The following MAPK9 variants were observed in gnomAD, a reference collection of about 807,000 sequenced individuals.
The protein encoded by MAPK9 is Jun kinase.
A neutral mutation model predicts 57.1 loss-of-function variants in MAPK9; 30 were observed. The ratio of observed to expected loss-of-function variants is 0.53; its 90% CI spans 0.39 to 0.71. MAPK9 has a LOEUF of 0.71. MAPK9 is among the 30% of genes least tolerant of loss of function. MAPK9 has a pLI of 0.00. For synonymous variants in MAPK9, 155 were observed against 177.0 expected (o/e 0.88, Z 0.99); for missense variants, 362 against 521.0 (o/e 0.69, Z 2.97).
At chr5:180,266,691 G>A (rs1186549035) in intron 3 of MAPK9, among the ~76,000 whole-genome samples, 2 of 151,786 alleles carry the variant, frequency 1.3e-5, no homozygotes, top group East Asian at 1.9e-4. Flanking sequence ...GGCTTCAAGC[G>A]ACCCTCCTGC....
chr5:180,236,387 T>C lies in MAPK9; in HGVS notation c.1272A>G (p.Arg424=), dbSNP rs1193416028. ...DASTGPLEGC[R] is the part of the protein sequence containing the mutation. ...CAGGTTTGCTATTTCTAACCTATCATCGACAGCCTTCAAGGGGTCCCGTCG... is the reference window on the plus strand; with the variant it reads ...CAGGTTTGCTATTTCTAACCTATCACCGACAGCCTTCAAGGGGTCCCGTCG... Residue 424 remains arginine, a synonymous_variant, in exon 12 of 12, where the codon CGA becomes CGG. Coordinates refer to ENST00000452135, the MANE Select transcript of MAPK9 (RefSeq NM_002752.5). 1 of 1,609,332 alleles carries C rather than the reference T, an allele frequency of 6.2e-7. No homozygotes were observed. The highest frequency in any genetic ancestry group is 8.5e-7 in the Non-Finnish European group (1 of 1,176,286).
chr5:180,267,365 T>C (rs929939181), intron 3 of MAPK9, among the ~76,000 whole-genome samples: 1 of 151,714 alleles, frequency 6.6e-6, no homozygotes, highest in African/African-American at 2.4e-5. Context: ...ATCGAGACCA[T>C]CCTGGCTAAC....
chr5:180,264,525 T>C (rs912335668), intron 4 of MAPK9, among the ~76,000 whole-genome samples: 6 of 152,224 alleles, frequency 3.9e-5, no homozygotes, highest in African/African-American at 1.4e-4. Context: ...GCAAAACACA[T>C]TAGTGATCCT....
intron 5 of MAPK9, among the ~76,000 whole-genome samples, chr5:180,256,278 T>C (rs34468883): frequency 0.011 from 1,672 of 152,288 alleles, 28 homozygotes; most frequent in African/African-American, 0.037. Context: ...ACCATTTTAA[T>C]AGGCAAAATT....
rs142614566 is a variant in MAPK9 at position 180,290,460 on chromosome 5, T to C, written c.-48+1388A>G. On this transcript the variant is annotated intron_variant, in intron 1 of 11. Transcript: ENST00000452135. Reference sequence around the variant, plus strand: ...GTGTCTGCATGCCTGCCTTCTCTACTGGGCTCCTGGGCTCTCTCGGGAAAG... The same window carrying C: ...GTGTCTGCATGCCTGCCTTCTCTACCGGGCTCCTGGGCTCTCTCGGGAAAG... Among the ~76,000 whole-genome samples the C allele has an allele frequency of 6.6e-5, 10 of 152,342 alleles. No homozygotes were observed. In the East Asian group the frequency reaches 1.7e-3, roughly 26 times the overall value.
intron 1 of MAPK9, among the ~76,000 whole-genome samples, chr5:180,287,223 T>C (rs966924533): frequency 3.3e-5 from 5 of 152,164 alleles, no homozygotes; most frequent in Admixed American, 6.5e-5. Context: ...GTAGTGGTTA[T>C]AGGAATTTTC....
At chr5:180,266,106 A>C (rs1020990156) in intron 3 of MAPK9, among the ~76,000 whole-genome samples, 3 of 151,918 alleles carry the variant, frequency 2.0e-5, no homozygotes, top group African/African-American at 4.8e-5. Flanking sequence ...TAAAAAAAAA[A>C]CCCTCCTACA....
At chr5:180,286,832 T>C (rs954312625) in intron 1 of MAPK9, 7 of 152,260 alleles carry the variant, frequency 4.6e-5, no homozygotes, top group Non-Finnish European at 8.8e-5. Flanking sequence ...CGTGAGAATA[T>C]GTACACAAAT....
intron 1 of MAPK9, among the ~76,000 whole-genome samples, chr5:180,290,686 T>C (rs1763152693): frequency 6.6e-6 from 1 of 152,236 alleles, no homozygotes; most frequent in African/African-American, 2.4e-5. Context: ...TTTCACAAAA[T>C]AGAACAAGCT....
At chr5:180,286,958 C>G (rs967186727) in intron 1 of MAPK9, 1 of 152,252 alleles carries the variant, frequency 6.6e-6, no homozygotes, top group African/African-American at 2.4e-5. Context: ...TACCACTCAG[C>G]AACTGCTGAA....
At chr5:180,274,065 T>A (rs1761602831) in intron 2 of MAPK9, among the ~76,000 whole-genome samples, 1 of 152,234 alleles carries the variant, frequency 6.6e-6, no homozygotes, top group South Asian at 2.1e-4. Context: ...TTAAATATTC[T>A]AACTCTGAAA....
At chr5:180,276,564 A>G (rs1029321040) in intron 2 of MAPK9, among the ~76,000 whole-genome samples, 2 of 152,216 alleles carry the variant, frequency 1.3e-5, no homozygotes, top group Non-Finnish European at 2.9e-5. Context: ...ATATTTTAAA[A>G]CTTATTTTAG....
chr5:180,276,007 T>C (rs1761780378), intron 2 of MAPK9, among the ~76,000 whole-genome samples: 1 of 152,164 alleles, frequency 6.6e-6, no homozygotes, highest in South Asian at 2.1e-4. Context: ...AAACCACTCA[T>C]TTTACAGGTG....
chr5:180,250,678 A>T (rs1232081414), intron 5 of MAPK9, among the ~76,000 whole-genome samples: 1 of 152,154 alleles, frequency 6.6e-6, no homozygotes, highest in Non-Finnish European at 1.5e-5. Flanking sequence ...CTGCTAAGTG[A>T]CCTGTTTCTA....
At chr5:180,277,270 T>C (rs756954262) in intron 2 of MAPK9, among the ~76,000 whole-genome samples, 2 of 152,238 alleles carry the variant, frequency 1.3e-5, no homozygotes, top group Non-Finnish European at 2.9e-5. Context: ...AAGTCCAAAA[T>C]GCATCTTATG....
In MAPK9 at chr5:180,236,231, G is replaced by T; in HGVS notation, c.*153C>A. Reference sequence around the variant, plus strand: ...TCTGCCTCATTTTATCATCTAAGCAGGCAATCCTATCAGGTCTGAGTAGGG... The same window carrying T: ...TCTGCCTCATTTTATCATCTAAGCATGCAATCCTATCAGGTCTGAGTAGGG... On this transcript the variant is annotated 3_prime_UTR_variant, in exon 12 of 12. Coordinates refer to ENST00000452135, the MANE Select transcript of MAPK9 (RefSeq NM_002752.5). The T allele has an allele frequency of 1.4e-6, 1 of 733,786 alleles. No individual in the cohort carries two copies. The highest frequency in any genetic ancestry group is 1.9e-6 in the Non-Finnish European group (1 of 513,126). 45.5% of individuals were successfully genotyped at this position (733,786 alleles called of 1,614,324 possible).
At position 180,247,378 on chromosome 5, in the gene MAPK9, T is replaced by C. The variant is rs1343654335; in HGVS notation, c.688+61A>G. 3.1e-6 allele frequency: 5 copies of C among 1,599,258 alleles called. No individual in the cohort carries two copies. The highest frequency in any genetic ancestry group is 4.3e-6 in the Non-Finnish European group (5 of 1,166,658). Reference sequence around the variant, plus strand: ...CCTCGTGAGCGCTCGTGTAAGCAGGTGGTCATGCTGCCTGAGGCATTAAGA... The same window carrying C: ...CCTCGTGAGCGCTCGTGTAAGCAGGCGGTCATGCTGCCTGAGGCATTAAGA... On this transcript the variant is annotated intron_variant, in intron 7 of 11. Transcript: ENST00000452135. This position sits in a 1 kb window ranked among gnomAD's most constrained non-coding sequence, Gnocchi z 4.5.
At chr5:180,272,603 T>C (rs1360590572) in intron 2 of MAPK9, among the ~76,000 whole-genome samples, 1 of 152,178 alleles carries the variant, frequency 6.6e-6, no homozygotes, top group East Asian at 1.9e-4. Flanking sequence ...CCCAGTTTAT[T>C]TTTGCCTGTT....
chr5:180,267,718 T>C (rs918370222), intron 3 of MAPK9, among the ~76,000 whole-genome samples: 34 of 152,054 alleles, frequency 2.2e-4, no homozygotes, highest in Admixed American at 8.5e-4. Context: ...TTTTAAAAAC[T>C]GCCAAGCATG....
Sources: gnomAD v4.1 joint callset for allele counts (sites outside exome capture counted in the v4.1 genomes callset) on GRCh38, gnomAD v4.1.1 for gene constraint, Gnocchi (gnomAD v3.1) non-coding constraint, MANE v1.5 for transcripts, NCBI Gene and HGNC (gene_info 2026-07-23, HGNC 2026-07-21) for gene names.